SLC37A1: variants seen among roughly 807,000 people sequenced by gnomAD.
The protein encoded by SLC37A1 is solute carrier family 37 member 1, also known as glucose-6-phosphate exchanger SLC37A1.
SLC37A1 carries 49 observed loss-of-function variants against 75.3 expected under a neutral mutation model. That is an observed-to-expected ratio of 0.65 (90% confidence interval 0.52 to 0.83). SLC37A1 has a LOEUF of 0.83. SLC37A1 is among the 40% of genes least tolerant of loss of function. The pLI is 0.00. For missense variants in SLC37A1, 566 were observed against 695.0 expected, an observed-to-expected ratio of 0.81 and a Z score of 2.09; for synonymous variants, 268 against 292.1, an observed-to-expected ratio of 0.92 and a Z score of 0.84.
chr21:42,555,500 G>C (rs2055666523), intron 10 of SLC37A1, among the ~76,000 whole-genome samples: 1 of 152,222 alleles, frequency 6.6e-6, no homozygotes, highest in African/African-American at 2.4e-5. Flanking sequence ...GATGTCTCGT[G>C]CATCTGGGTT....
chr21:42,509,923 G>A (rs2054419110), upstream of SLC37A1, among the ~76,000 whole-genome samples: 1 of 152,136 alleles, frequency 6.6e-6, no homozygotes, highest in South Asian at 2.1e-4. The surrounding 1 kb of genome is among the most constrained non-coding windows in gnomAD (Gnocchi z 4.2). Flanking sequence ...CCCCCTTCAG[G>A]GAAACCTCAG....
At chr21:42,513,100 G>C (rs1301356894), upstream of SLC37A1, among the ~76,000 whole-genome samples, 1 of 152,234 alleles carries the variant, frequency 6.6e-6, no homozygotes, top group Non-Finnish European at 1.5e-5. Context: ...GAGTGGGCTG[G>C]GAGCCCCCTC....
intron 1 of SLC37A1, among the ~76,000 whole-genome samples, chr21:42,515,893 G>T (rs2054513356): frequency 6.6e-6 from 1 of 152,158 alleles, no homozygotes; most frequent in African/African-American, 2.4e-5. Flanking sequence ...CGAGTAGCTG[G>T]AATTACAGGT....
At chr21:42,573,316 C>T (rs1569045636) in intron 17 of SLC37A1, among the ~76,000 whole-genome samples, 3 of 139,464 alleles carry the variant, frequency 2.2e-5, no homozygotes, top group Non-Finnish European at 4.6e-5. Flanking sequence ...CTTCCGTTCC[C>T]ACTGCGTTCC....
At chr21:42,570,629 T>G (rs576988481) in intron 17 of SLC37A1, among the ~76,000 whole-genome samples, 15 of 152,364 alleles carry the variant, frequency 9.8e-5, no homozygotes, top group African/African-American at 3.6e-4. Flanking sequence ...TGTGAAACCC[T>G]GTTCTTAAAG....
Position 42,559,032 on chromosome 21 carries a change from C to T in SLC37A1, c.924C>T (p.Pro308=), listed in dbSNP as rs149160607. The T allele has an allele frequency of 1.1e-4, 179 of 1,613,786 alleles. No homozygotes were observed. In the African/African-American group the frequency reaches 1.4e-3, roughly 13 times the overall value. ...ACCCGAACCACGTCGTCATTCTCCCCGGGGACGGTGGGAGTGGCACGGCCG... is the reference window on the plus strand; with the variant it reads ...ACCCGAACCACGTCGTCATTCTCCCTGGGGACGGTGGGAGTGGCACGGCCG... ...SIHPNHVVIL[P]GDGGSGTAAI... is the part of the protein sequence containing the mutation. Residue 308 remains proline (P), a synonymous_variant, in exon 11 of 20, where the codon CCC becomes CCT. Transcript: ENST00000352133.
intron 2 of SLC37A1, among the ~76,000 whole-genome samples, chr21:42,506,823 C>T (rs2054387603): frequency 1.3e-5 from 2 of 152,244 alleles, no homozygotes; most frequent in Admixed American, 6.5e-5. Flanking sequence ...GGAATCATAA[C>T]TGATACTCAA....
intron 18 of SLC37A1, among the ~76,000 whole-genome samples, chr21:42,577,439 C>G (rs991479899): frequency 6.6e-6 from 1 of 152,200 alleles, no homozygotes; most frequent in African/African-American, 2.4e-5. Flanking sequence ...TTCTGACTCT[C>G]AGTTTAAAAC....
chr21:42,534,402 G>T (rs2055077965), intron 3 of SLC37A1, among the ~76,000 whole-genome samples: 2 of 152,184 alleles, frequency 1.3e-5, no homozygotes, highest in African/African-American at 4.8e-5. Context: ...GGAGCTCTTA[G>T]AACTAAAACT....
intron 9 of SLC37A1, among the ~76,000 whole-genome samples, chr21:42,551,803 T>TTTTTG (rs374568400): frequency 0.018 from 2,782 of 150,944 alleles, 74 homozygotes; most frequent in African/African-American, 0.062. Flanking sequence ...TCAATGGTTT[T>TTTTTG]TTTTGTTTTG....
intron 3 of SLC37A1, among the ~76,000 whole-genome samples, chr21:42,529,661 G>A (rs558621798): frequency 6.6e-6 from 1 of 152,290 alleles, no homozygotes; most frequent in South Asian, 2.1e-4. Context: ...GTGAAGTTAG[G>A]AAACCCAAAG....
intron 10 of SLC37A1, among the ~76,000 whole-genome samples, chr21:42,556,709 T>C (rs746561035): frequency 2.0e-5 from 3 of 152,202 alleles, no homozygotes; most frequent in Non-Finnish European, 4.4e-5. Context: ...CAGAGGTGCC[T>C]CTTGGCCTCC....
At chr21:42,544,678 C>T (rs2055363188) in intron 8 of SLC37A1, among the ~76,000 whole-genome samples, 1 of 152,196 alleles carries the variant, frequency 6.6e-6, no homozygotes, top group South Asian at 2.1e-4. Context: ...GCAGGGGCCT[C>T]CTGGGATGGG....
At chr21:42,523,157 T>C (rs761803862) in intron 2 of SLC37A1, among the ~76,000 whole-genome samples, 4 of 152,198 alleles carry the variant, frequency 2.6e-5, no homozygotes, top group Admixed American at 6.5e-5. Context: ...TGATAACACC[T>C]GTAGAACTGG....
At chr21:42,508,258 AG>A (rs2054403377) in intron 2 of SLC37A1, among the ~76,000 whole-genome samples, 1 of 150,732 alleles carries the variant, frequency 6.6e-6, no homozygotes, top group African/African-American at 2.4e-5. Context: ...CCTCCCCCGT[AG>A]CTATGATTAC....
In SLC37A1 at chr21:42,564,854, C is replaced by T. The variant is rs370519248; in HGVS notation, c.1221+61C>T. On this transcript the variant is annotated intron_variant, in intron 14 of 19. Coordinates refer to ENST00000352133, the MANE Select transcript of SLC37A1 (RefSeq NM_001320537.2). ...GCAGACAGTCCCCCACTGTCCTCCT[C>T]GCCAGCCAGCATCCTTCCATCTGGC... 66 of 1,473,930 alleles carry T rather than the reference C, an allele frequency of 4.5e-5. 2 individuals are homozygous for T. The highest frequency in any genetic ancestry group is 3.7e-4 in the Middle Eastern group (2 of 5,444). 91.3% of individuals were successfully genotyped at this position (1,473,930 alleles called of 1,614,324 possible). A position where few individuals can be genotyped will look rare whatever the true frequency, so the allele number is the denominator to read the frequency against.
chr21:42,526,466 C>T (rs989420642), intron 3 of SLC37A1, among the ~76,000 whole-genome samples: 1 of 152,192 alleles, frequency 6.6e-6, no homozygotes, highest in Non-Finnish European at 1.5e-5. Flanking sequence ...CGTAGAAGAA[C>T]GAGGAAATCA....
chr21:42,576,332 A>G (rs2056307555), intron 18 of SLC37A1, among the ~76,000 whole-genome samples: 1 of 152,150 alleles, frequency 6.6e-6, no homozygotes, highest in African/African-American at 2.4e-5. Context: ...ATTTTTAGCC[A>G]TAGACCTCCC....
intron 3 of SLC37A1, 71 bp downstream of exon 3, chr21:42,525,928 A>C: frequency 8.8e-7 from 1 of 1,139,280 alleles, no homozygotes; most frequent in Non-Finnish European, 1.3e-6. Flanking sequence ...TGTGGGGCAG[A>C]GGATGGGGAT....
Sources: allele counts gnomAD v4.1 joint callset (sites outside exome capture counted in the v4.1 genomes callset), GRCh38; gene constraint gnomAD v4.1.1; non-coding constraint Gnocchi (gnomAD v3.1); transcripts MANE v1.5; gene names NCBI Gene and HGNC (gene_info 2026-07-23, HGNC 2026-07-21).